EPHB1: variants seen among roughly 807,000 people sequenced by gnomAD.
EPHB1 encodes the protein EPH receptor B1, also known as ephrin type-B receptor 1.
EPHB1 carries 30 observed loss-of-function variants against 94.4 expected under a neutral mutation model. That is an observed-to-expected ratio of 0.32 (90% CI 0.24 to 0.43). The LOEUF (loss-of-function observed/expected upper bound fraction) is 0.43. Among genes scored for constraint, EPHB1 ranks in the 20% least tolerant of loss-of-function variants. The pLI, the probability that EPHB1 is intolerant of heterozygous loss-of-function variation, is 1.00. For synonymous variants in EPHB1, 522 were observed against 489.1 expected, an observed-to-expected ratio of 1.07 and a Z score of -0.89; for missense variants, 1,055 against 1,308.3, an observed-to-expected ratio of 0.81 and a Z score of 2.99.
chr3:135,051,014 GA>G (rs1937155108), intron 3 of EPHB1, among the ~76,000 whole-genome samples: 1 of 152,154 alleles, frequency 6.6e-6, no homozygotes, highest in Admixed American at 6.5e-5. Flanking sequence ...TGCAGAGAGA[GA>G]GGGGCACCCA....
intron 3 of EPHB1, among the ~76,000 whole-genome samples, chr3:135,089,946 CCT>C (rs1294676213): frequency 6.6e-6 from 1 of 152,224 alleles, no homozygotes; most frequent in Non-Finnish European, 1.5e-5. Flanking sequence ...ATCCTTAACA[CCT>C]CTAATCTCTG....
intron 1 of EPHB1, among the ~76,000 whole-genome samples, chr3:134,907,318 C>A (rs114509045): frequency 0.032 from 4,825 of 152,248 alleles, 134 homozygotes; most frequent in Non-Finnish European, 0.045. Flanking sequence ...GGTAAGAGTC[C>A]ACTAAATAAA....
intron 1 of EPHB1, among the ~76,000 whole-genome samples, chr3:134,847,196 A>G (rs1250969290): frequency 6.6e-6 from 1 of 150,900 alleles, no homozygotes; most frequent in African/African-American, 2.4e-5. Context: ...CCACAAAGAG[A>G]GGCTGTTCAT....
intron 1 of EPHB1, among the ~76,000 whole-genome samples, chr3:134,878,790 T>A (rs11706968): frequency 0.29 from 44,070 of 152,158 alleles, 6,575 homozygotes; most frequent in South Asian, 0.4. Flanking sequence ...ATTGATTCAC[T>A]TTTTTAAAAC....
intron 11 of EPHB1, among the ~76,000 whole-genome samples, chr3:135,199,312 C>T (rs776745095): frequency 7.9e-5 from 12 of 152,084 alleles, no homozygotes; most frequent in Non-Finnish European, 1.6e-4. Context: ...GAAGCAAATC[C>T]CCAGAGACCT....
intron 1 of EPHB1, among the ~76,000 whole-genome samples, chr3:134,919,953 AAAG>A (rs1578197774): frequency 6.6e-6 from 1 of 152,040 alleles, no homozygotes; most frequent in African/African-American, 2.4e-5. Context: ...GGGCTGGGGA[AAAG>A]AAGGAGGAAG....
chr3:135,201,637 T>G lies in EPHB1; in HGVS notation c.2294T>G (p.Leu765Arg). The G allele has an allele frequency of 6.2e-7, 1 of 1,613,906 alleles. No individual in the cohort carries two copies. The highest frequency in any genetic ancestry group is 8.5e-7 in the Non-Finnish European group (1 of 1,179,948). Reference protein sequence around the residue: ...NLVCKVSDFGLSRYLQDDTSD... With the variant: ...NLVCKVSDFGRSRYLQDDTSD... The stretch of plus-strand genomic sequence containing the variant: ...GTGTGCAAGGTGTCCGACTTTGGCC[T>G]CTCCCGCTACCTCCAGGATGACACC... The change falls in exon 12 of 16, where the codon CTC becomes CGC. Residue 765 changes from leucine (L) to arginine (R), a missense_variant. Coordinates refer to ENST00000398015, the MANE Select transcript of EPHB1 (RefSeq NM_004441.5).
At chr3:134,986,861 A>G (rs1012585331) in intron 3 of EPHB1, among the ~76,000 whole-genome samples, 1 of 152,204 alleles carries the variant, frequency 6.6e-6, no homozygotes, top group African/African-American at 2.4e-5. Flanking sequence ...TAAACATTTA[A>G]GGATTCAATA....
chr3:135,157,142 T>A (rs1274326934), intron 6 of EPHB1, among the ~76,000 whole-genome samples: 1 of 152,330 alleles, frequency 6.6e-6, no homozygotes, highest in East Asian at 1.9e-4. Context: ...AAAAACCTTG[T>A]CCAGAGTCCC....
intron 3 of EPHB1, among the ~76,000 whole-genome samples, chr3:135,053,696 G>A (rs1452057016): frequency 6.6e-6 from 1 of 152,168 alleles, no homozygotes; most frequent in Non-Finnish European, 1.5e-5. Context: ...TGGTCAAATA[G>A]TAAAGTTAAG....
intron 3 of EPHB1, among the ~76,000 whole-genome samples, chr3:135,086,269 T>C (rs747763989): frequency 4.4e-5 from 6 of 135,364 alleles, no homozygotes; most frequent in African/African-American, 1.2e-4. Flanking sequence ...CCTCTGACGG[T>C]GGGATGGAGG....
At chr3:134,813,036 G>A (rs1214253406) in intron 1 of EPHB1, among the ~76,000 whole-genome samples, 3 of 152,154 alleles carry the variant, frequency 2.0e-5, no homozygotes, top group African/African-American at 4.8e-5. Flanking sequence ...GCCCTGTTGT[G>A]CCGAGAAGAC....
chr3:134,925,673 A>C, intron 1 of EPHB1, 143 bp from the exon 2 acceptor site: 1 of 624,878 alleles, frequency 1.6e-6, no homozygotes, highest in Admixed American at 3.4e-5. Context: ...CTTCACAGAG[A>C]GACCTGGGCT....
chr3:135,062,748 G>A lies in EPHB1; in HGVS notation c.806-43700G>A, dbSNP rs191206535. Among the ~76,000 whole-genome samples, 717 of 152,256 alleles carry A rather than the reference G, an allele frequency of 4.7e-3. 3 individuals carry two copies. The highest frequency in any genetic ancestry group is 0.016 in the African/African-American group (665 of 41,572). On this transcript the variant is annotated intron_variant, in intron 3 of 15. Coordinates refer to ENST00000398015, the MANE Select transcript of EPHB1 (RefSeq NM_004441.5). ...CATTTGCTTTTGGGTTCTTGGTCAT[G>A]AAATCTTTGCCTAAGCCAATGTCTA... is the stretch of plus-strand genomic sequence containing the variant.
intron 10 of EPHB1, among the ~76,000 whole-genome samples, chr3:135,189,444 C>G (rs114248420): frequency 6.6e-6 from 1 of 152,156 alleles, no homozygotes; most frequent in Non-Finnish European, 1.5e-5. Flanking sequence ...TTCACAGGGC[C>G]GGATGTTCAG....
At chr3:134,914,877 A>T (rs36203) in intron 1 of EPHB1, among the ~76,000 whole-genome samples, 58,283 of 151,952 alleles carry the variant, frequency 0.38, 12,604 homozygotes, top group African/African-American at 0.55. Flanking sequence ...AGCCTCTCCC[A>T]GTCAGCAGGC....
intron 3 of EPHB1, among the ~76,000 whole-genome samples, chr3:134,997,500 T>C (rs1935033983): frequency 6.6e-6 from 1 of 152,174 alleles, no homozygotes; most frequent in South Asian, 2.1e-4. Flanking sequence ...GGTTCTTCAT[T>C]CTCTCTGTTT....
chr3:134,947,319 G>C (rs376412665), intron 2 of EPHB1, among the ~76,000 whole-genome samples: 2 of 151,738 alleles, frequency 1.3e-5, no homozygotes, highest in African/African-American at 4.8e-5. Context: ...CTCTTTCTTC[G>C]ACCCCCCCAG....
At chr3:135,048,490 G>A (rs1937074800) in intron 3 of EPHB1, among the ~76,000 whole-genome samples, 1 of 151,964 alleles carries the variant, frequency 6.6e-6, no homozygotes, top group African/African-American at 2.4e-5. Flanking sequence ...GGCTGGTCTT[G>A]AACTTCTGGC....
Sources: gnomAD v4.1 joint callset for allele counts (sites outside exome capture counted in the v4.1 genomes callset) on GRCh38, gnomAD v4.1.1 for gene constraint, MANE v1.5 for transcripts, NCBI Gene and HGNC (gene_info 2026-07-23, HGNC 2026-07-21) for gene names.